Variants in FZR1 observed in about 807,000 individuals in gnomAD.
FZR1 encodes fizzy-related protein homolog.
Under a neutral mutation model 63.6 loss-of-function variants are expected in FZR1, and 11 were observed. The observed-to-expected ratio is 0.17, with a 90% confidence interval of 0.11 to 0.29. The LOEUF (loss-of-function observed/expected upper bound fraction) is 0.29. Ranked by LOEUF, FZR1 falls within the 10% of genes least tolerant of loss-of-function variation. The probability of loss-of-function intolerance (pLI) is 1.00; values close to 1 mark genes in which losing one functional copy is unlikely to be tolerated. For synonymous variants in FZR1, 328 were observed against 297.9 expected (o/e 1.10, Z -1.04); for missense variants, 440 against 687.5 (o/e 0.64, Z 4.03).
Position 3,516,541 on chromosome 19 carries a change from C to T in FZR1, c.-34-6415C>T, listed in dbSNP as rs779140956. 1.3e-5 allele frequency among the ~76,000 whole-genome samples: 2 copies of T among 152,142 alleles called. No individual in the cohort carries two copies. The highest frequency in any genetic ancestry group is 6.5e-5 in the Admixed American group (1 of 15,276). On this transcript the variant is annotated intron_variant, in intron 1 of 13. Transcript: ENST00000441788. The surrounding 1 kb of genome is among the most constrained non-coding windows in gnomAD (Gnocchi z 6.0). The stretch of plus-strand genomic sequence containing the variant: ...GGCTTAGAGGGGTCGCTGGGGGTCC[C>T]GGAGCTGAGCTGAGCACCGCTAGCA...
intron 1 of FZR1, among the ~76,000 whole-genome samples, chr19:3,507,375 AC>A (rs1157898966): frequency 1.3e-4 from 18 of 138,434 alleles, no homozygotes; most frequent in Non-Finnish European, 2.4e-4. Flanking sequence ...AACCTGTGAC[AC>A]CCCCTCCCCC....
chr19:3,529,824 G>T (rs374671024), intron 7 of FZR1, among the ~76,000 whole-genome samples: 9 of 110,850 alleles, frequency 8.1e-5, no homozygotes, highest in South Asian at 3.5e-4. Flanking sequence ...GAGTGGATGG[G>T]TGAGCGGATG....
At chr19:3,528,817 G>A (rs1156699120) in intron 7 of FZR1, among the ~76,000 whole-genome samples, 13 of 133,282 alleles carry the variant, frequency 9.8e-5, no homozygotes, top group African/African-American at 3.5e-4. Context: ...GTGGATGGGT[G>A]AGTGGATGGG....
chr19:3,522,768 A>G (rs1186815273), intron 1 of FZR1, among the ~76,000 whole-genome samples, 188 bp from the exon 2 acceptor site: 4 of 152,164 alleles, frequency 2.6e-5, no homozygotes, highest in African/African-American at 9.7e-5. Flanking sequence ...GTCTGTGGGC[A>G]GCAGCCGAGG....
chr19:3,534,679 C>A, intron 13 of FZR1, 116 bp from the exon 14 acceptor site: 1 of 1,011,062 alleles, frequency 9.9e-7, no homozygotes, highest in Non-Finnish European at 1.5e-6. Context: ...CAGGCCGAGG[C>A]TGAACTGGCA....
At chr19:3,511,359 G>T (rs1414756987) in intron 1 of FZR1, among the ~76,000 whole-genome samples, 2 of 152,206 alleles carry the variant, frequency 1.3e-5, no homozygotes, top group African/African-American at 4.8e-5. Flanking sequence ...GCTGCTGGCC[G>T]AGTAGACCCT....
At chr19:3,527,480 G>C (rs2083171814) in intron 6 of FZR1, 151 bp from the exon 7 acceptor site, 3 of 643,840 alleles carry the variant, frequency 4.7e-6, no homozygotes, top group Admixed American at 2.8e-5. Flanking sequence ...CTGTGGGGCT[G>C]TCCCTGGGTT....
chr19:3,523,940 CCT>C (rs1240233394), intron 2 of FZR1, among the ~76,000 whole-genome samples: 1 of 152,244 alleles, frequency 6.6e-6, no homozygotes, highest in Non-Finnish European at 1.5e-5. Context: ...GCCTTCTCCC[CCT>C]GTGCGGTGCG....
intron 1 of FZR1, among the ~76,000 whole-genome samples, chr19:3,513,010 G>T (rs980780579): frequency 3.9e-5 from 6 of 152,122 alleles, no homozygotes; most frequent in African/African-American, 1.4e-4. Context: ...AGGATGGCTG[G>T]ACATCACGCC....
Position 3,534,839 on chromosome 19 carries a change from C to G in FZR1, c.*3C>G. On this transcript the variant is annotated 3_prime_UTR_variant, in exon 14 of 14. Coordinates refer to ENST00000441788, the MANE Select transcript of FZR1 (RefSeq NM_016263.4). ...ACCTCTTCACCAGGATCCGGTAAAC[C>G]TGCCGGGCAGGACCGTGCCACACCA... The G allele has an allele frequency of 1.2e-6, 2 of 1,611,794 alleles. No homozygotes were observed. The highest frequency in any genetic ancestry group is 1.7e-6 in the Non-Finnish European group (2 of 1,178,882).
chr19:3,534,724 TG>T, intron 13 of FZR1, 70 bp from the exon 14 acceptor site: 1 of 1,418,572 alleles, frequency 7.0e-7, no homozygotes, highest in Non-Finnish European at 1.0e-6. Context: ...CCCAAAGCCT[TG>T]GGGACCCTCC....
chr19:3,534,209 C>T, intron 12 of FZR1: 1 of 497,368 alleles, frequency 2.0e-6, no homozygotes, highest in Non-Finnish European at 3.5e-6. Flanking sequence ...GTGACAGAGC[C>T]AGACCCCGTC....
rs1411716062 is a variant in FZR1 at position 3,532,041 on chromosome 19, G to A, written c.954G>A (p.Gly318=). 1 of 1,539,192 alleles carries A rather than the reference G, an allele frequency of 6.5e-7. No individual in the cohort carries two copies. Among genetic ancestry groups the A allele is most frequent in the South Asian group, 1.2e-5 (1 of 84,322 alleles). The change falls in exon 10 of 14, where the codon GGG becomes GGA. Residue 318 remains glycine, a synonymous_variant. Coordinates refer to ENST00000441788, the MANE Select transcript of FZR1 (RefSeq NM_016263.4). ...AGGGCCACCGGCAGGAGGTGTGCGG[G>A]CTCAAGTGGTCCACAGACCACCAGC... The part of the protein sequence containing the change: ...RLQGHRQEVC[G]LKWSTDHQLL...
Position 3,526,403 on chromosome 19 carries a change from C to T in FZR1, c.387+17C>T. ...CTGTTCACGGTAAGCCTGCGGCACC[C>T]CCCACCCGGGAGCTGGCTCCCAGTG... is the stretch of plus-strand genomic sequence containing the variant. On this transcript the variant is annotated intron_variant, in intron 5 of 13. Transcript: ENST00000441788. This position sits in a 1 kb window ranked among gnomAD's most constrained non-coding sequence, Gnocchi z 5.4. 1 of 1,552,772 alleles carries T rather than the reference C, an allele frequency of 6.4e-7. No individual in the cohort carries two copies. Among genetic ancestry groups the T allele is most frequent in the East Asian group, 2.4e-5 (1 of 41,590 alleles).
chr19:3,508,961 G>A (rs2122102917), intron 1 of FZR1, among the ~76,000 whole-genome samples: 1 of 152,304 alleles, frequency 6.6e-6, no homozygotes, highest in South Asian at 2.1e-4. Flanking sequence ...CTGTGTGCTT[G>A]CCCACAGCGG....
rs960368884 is a variant in FZR1, at chr19:3,536,432, C to A, written c.*1596C>A. On this transcript the variant is annotated 3_prime_UTR_variant, in exon 14 of 14. Transcript: ENST00000441788. The stretch of plus-strand genomic sequence containing the variant: ...TGGTGCACGTGGCAGTGTGGATTTC[C>A]AGTGGTCACGGTCTTACTGTTTCAA... 1.3e-5 allele frequency: 2 copies of A among 151,958 alleles called. No individual in the cohort carries two copies. Among genetic ancestry groups the A allele is most frequent in the South Asian group, 2.1e-4 (1 of 4,828 alleles). 9.4% of individuals were successfully genotyped at this position (151,958 alleles called of 1,614,324 possible).
rs564919780 is a variant in FZR1 at position 3,526,522 on chromosome 19, C to T, written c.387+136C>T. On this transcript the variant is annotated intron_variant, in intron 5 of 13. Transcript: ENST00000441788. This position sits in a 1 kb window ranked among gnomAD's most constrained non-coding sequence, Gnocchi z 5.4. ...CACGGCTCAGCACCCCCGCCCTGAC[C>T]CTGTTCCTTAGCCAGGTCAGGGGCC... 6 of 667,734 alleles carry T rather than the reference C, an allele frequency of 9.0e-6. No individual in the cohort carries two copies. The Admixed American group carries it at 1.4e-4, about 15-fold the overall frequency. The allele number at this position is 667,734 out of a possible 1,614,324, so 41.4% of individuals were successfully genotyped here.
Position 3,516,052 on chromosome 19 carries a change from A to G in FZR1, c.-34-6904A>G, listed in dbSNP as rs1568230431. Among the ~76,000 whole-genome samples, 1 of 152,208 alleles carries G rather than the reference A, an allele frequency of 6.6e-6. No homozygotes were observed. Among genetic ancestry groups the G allele is most frequent in the Non-Finnish European group, 1.5e-5 (1 of 68,044 alleles). ...ACATGCATGCTGAGTTTCTAAGGATAAATTCTTAGAAGTAGAAATACCGCA... is the reference window on the plus strand; with the variant it reads ...ACATGCATGCTGAGTTTCTAAGGATGAATTCTTAGAAGTAGAAATACCGCA... On this transcript the variant is annotated intron_variant, in intron 1 of 13. Coordinates refer to ENST00000441788, the MANE Select transcript of FZR1 (RefSeq NM_016263.4). This position sits in a 1 kb window ranked among gnomAD's most constrained non-coding sequence, Gnocchi z 6.0.
At chr19:3,528,871 A>G (rs2083193308) in intron 7 of FZR1, among the ~76,000 whole-genome samples, 1 of 145,752 alleles carries the variant, frequency 6.9e-6, no homozygotes, top group South Asian at 2.3e-4. Context: ...GAGAGAGTGG[A>G]TGGGAAAGTG....
Sources: gnomAD v4.1 joint callset for allele counts (sites outside exome capture counted in the v4.1 genomes callset) on GRCh38, gnomAD v4.1.1 for gene constraint, Gnocchi (gnomAD v3.1) non-coding constraint, MANE v1.5 for transcripts, NCBI Gene and HGNC (gene_info 2026-07-23, HGNC 2026-07-21) for gene names.